The following ANK3 variants were observed in gnomAD, a reference collection of about 807,000 sequenced individuals.
The protein encoded by ANK3 is ankyrin 3.
Under a neutral mutation model 370.9 loss-of-function variants are expected in ANK3, and 57 were observed. The observed-to-expected ratio is 0.15, with a 90% CI of 0.12 to 0.19. The LOEUF (loss-of-function observed/expected upper bound fraction) is 0.19. Ranked by LOEUF, ANK3 falls within the 10% of genes least tolerant of loss-of-function variation. ANK3 has a pLI of 1.00. For missense variants in ANK3, 4,439 were observed against 5,302.1 expected, an observed-to-expected ratio of 0.84 and a Z score of 5.06; for synonymous variants, 1,929 against 1,946.3, an observed-to-expected ratio of 0.99 and a Z score of 0.23.
chr10:60,628,783 CTTG>C (rs1369504084), intron 1 of ANK3, among the ~76,000 whole-genome samples: 7 of 152,218 alleles, frequency 4.6e-5, no homozygotes, highest in East Asian at 1.9e-4. Context: ...AATTTGCTGA[CTTG>C]TTGTCATAAC....
At chr10:60,248,025 T>C (rs983994290) in intron 7 of ANK3, among the ~76,000 whole-genome samples, 3 of 152,204 alleles carry the variant, frequency 2.0e-5, no homozygotes, top group Non-Finnish European at 4.4e-5. Flanking sequence ...CCTCCCTTTT[T>C]AAGGCTGAGG....
chr10:60,049,640 A>ACAT (rs1236550048), intron 42 of ANK3, among the ~76,000 whole-genome samples: 6 of 152,176 alleles, frequency 3.9e-5, no homozygotes, highest in Non-Finnish European at 7.4e-5. Context: ...GAAACCTACA[A>ACAT]CATTATAGTG....
rs144851801 is a variant in ANK3 at position 60,300,038 on chromosome 10, CCT to C, written c.115-20401_115-20400del. 5.4e-3 allele frequency among the ~76,000 whole-genome samples: 818 copies of C among 152,258 alleles called. 4 individuals are homozygous for C. Among genetic ancestry groups the C allele is most frequent in the South Asian group, 0.01 (49 of 4,822 alleles). On this transcript the variant is annotated intron_variant, in intron 1 of 43. Transcript: ENST00000280772. The stretch of plus-strand genomic sequence containing the variant: ...GCTTTTCCTGCACTCCTAATCGCCC[CCT>C]GTCTTTTTGTATTTTGTTATGCATC...
intron 1 of ANK3, among the ~76,000 whole-genome samples, chr10:60,367,573 A>C (rs1432182985): frequency 6.6e-6 from 1 of 152,178 alleles, no homozygotes; most frequent in East Asian, 1.9e-4. Flanking sequence ...AAATGTGCTA[A>C]AACAACAATC....
intron 16 of ANK3, among the ~76,000 whole-genome samples, chr10:60,188,660 T>C (rs2096404315): frequency 6.6e-6 from 1 of 152,228 alleles, no homozygotes; most frequent in Admixed American, 6.5e-5. Flanking sequence ...CATTCCTCAC[T>C]TGACAAACCC....
At chr10:60,713,801 A>G (rs1438735576) in intron 1 of ANK3, among the ~76,000 whole-genome samples, 1 of 152,070 alleles carries the variant, frequency 6.6e-6, no homozygotes, top group African/African-American at 2.4e-5. Context: ...GAGGCAAGAG[A>G]ATCACTTGAA....
intron 21 of ANK3, among the ~76,000 whole-genome samples, chr10:60,169,964 C>T (rs556991637): frequency 6.6e-6 from 1 of 152,220 alleles, no homozygotes; most frequent in African/African-American, 2.4e-5. Flanking sequence ...CTAAGATGTT[C>T]CAGGCTCATC....
intron 1 of ANK3, among the ~76,000 whole-genome samples, chr10:60,306,408 A>G (rs890158755): frequency 2.7e-5 from 4 of 148,456 alleles, no homozygotes; most frequent in Non-Finnish European, 4.4e-5. Flanking sequence ...ATGGCTGAGT[A>G]GTATTCCACG....
chr10:60,482,591 ATCC>A (rs1186956150), intron 2 of ANK3, among the ~76,000 whole-genome samples: 2 of 152,022 alleles, frequency 1.3e-5, no homozygotes, highest in Admixed American at 1.3e-4. Context: ...AGCTCAATAG[ATCC>A]TCCCACCTCA....
At chr10:60,405,210 A>T (rs2063429305) in intron 2 of ANK3, among the ~76,000 whole-genome samples, 1 of 152,198 alleles carries the variant, frequency 6.6e-6, no homozygotes, top group South Asian at 2.1e-4. Context: ...TATGCCCAAA[A>T]ACACTTCTAT....
chr10:60,641,352 G>A (rs1022990742), intron 1 of ANK3, among the ~76,000 whole-genome samples: 1 of 151,988 alleles, frequency 6.6e-6, no homozygotes, highest in African/African-American at 2.4e-5. Context: ...AACAAAGCTG[G>A]AGGCATCACG....
At chr10:60,347,103 T>C (rs985752579) in intron 1 of ANK3, among the ~76,000 whole-genome samples, 3 of 150,522 alleles carry the variant, frequency 2.0e-5, no homozygotes, top group Non-Finnish European at 3.0e-5. Context: ...TGCAGTACTG[T>C]ACATACATAC....
At chr10:60,428,975 CTA>C (rs2063952093) in intron 2 of ANK3, among the ~76,000 whole-genome samples, 1 of 152,108 alleles carries the variant, frequency 6.6e-6, no homozygotes, top group African/African-American at 2.4e-5. Context: ...TTTTAAATGT[CTA>C]TGTGTTATTG....
At chr10:60,731,462 C>G (rs760593411) in intron 1 of ANK3, among the ~76,000 whole-genome samples, 9 of 152,200 alleles carry the variant, frequency 5.9e-5, no homozygotes, top group Non-Finnish European at 8.8e-5. Context: ...AAAAAGAACA[C>G]TGAGAACCAT....
intron 1 of ANK3, among the ~76,000 whole-genome samples, chr10:60,690,482 T>G (rs1202703750): frequency 2.0e-5 from 3 of 152,222 alleles, no homozygotes; most frequent in African/African-American, 7.2e-5. Flanking sequence ...ATTTATTGAA[T>G]TTTTTATGAC....
chr10:60,383,856 G>C (rs1218533753), intron 1 of ANK3, among the ~76,000 whole-genome samples: 1 of 152,168 alleles, frequency 6.6e-6, no homozygotes. Context: ...GGGAAAGCCT[G>C]TAAAACATCA....
At chr10:60,510,266 A>T (rs2076046552) in intron 2 of ANK3, among the ~76,000 whole-genome samples, 1 of 152,134 alleles carries the variant, frequency 6.6e-6, no homozygotes, top group African/African-American at 2.4e-5. Flanking sequence ...GAATACAAAT[A>T]GTACTTTCTA....
At chr10:60,720,254 G>C (rs905947310) in intron 1 of ANK3, among the ~76,000 whole-genome samples, 8 of 152,144 alleles carry the variant, frequency 5.3e-5, no homozygotes, top group Non-Finnish European at 1.0e-4. Context: ...CTATGTGCGA[G>C]ACACTGTTCT....
chr10:60,422,085 TC>T (rs1205864238), intron 2 of ANK3, among the ~76,000 whole-genome samples: 1 of 152,042 alleles, frequency 6.6e-6, no homozygotes, highest in Non-Finnish European at 1.5e-5. Flanking sequence ...GATCAAGAAG[TC>T]TATTTGCAGA....
Sources: allele counts gnomAD v4.1 joint callset (sites outside exome capture counted in the v4.1 genomes callset), GRCh38; gene constraint gnomAD v4.1.1; transcripts MANE v1.5; gene names NCBI Gene and HGNC (gene_info 2026-07-23, HGNC 2026-07-21).